GOLGA3: variants seen among roughly 807,000 people sequenced by gnomAD.
GOLGA3 encodes golgin A3, also known as golgin subfamily A member 3.
GOLGA3 carries 75 observed loss-of-function variants against 169.4 expected under a neutral mutation model. The ratio of observed to expected loss-of-function variants is 0.44; its 90% confidence interval spans 0.37 to 0.54. The LOEUF is 0.54. GOLGA3 is among the 20% of genes least tolerant of loss of function. The probability of loss-of-function intolerance (pLI) is 0.00; values close to 1 mark genes in which losing one functional copy is unlikely to be tolerated. For synonymous variants in GOLGA3, 824 were observed against 822.4 expected (o/e 1.00, Z -0.03); for missense variants, 1,899 against 1,930.0 (o/e 0.98, Z 0.30).
chr12:132,808,356 G>T lies in GOLGA3; in HGVS notation c.713C>A (p.Ser238Tyr). 1 of 1,614,088 alleles carries T rather than the reference G, an allele frequency of 6.2e-7. No homozygotes were observed. Among genetic ancestry groups the T allele is most frequent in the Non-Finnish European group, 8.5e-7 (1 of 1,180,006 alleles). ...CAGAGACCGGATTTTGCTTGATTTGGAAGTTTTTTTCTCCCTAGGATGTGC... is the reference window on the plus strand; with the variant it reads ...CAGAGACCGGATTTTGCTTGATTTGTAAGTTTTTTTCTCCCTAGGATGTGC... ...LPAHPREKKTSKSSKIRSLAD... is the reference protein window; with the variant it reads ...LPAHPREKKTYKSSKIRSLAD... Residue 238 changes from serine to tyrosine, a missense_variant, in exon 5 of 24, where the codon TCC becomes TAC. Physicochemically the swap from Ser to Tyr is moderately radical, Grantham distance 144 (BLOSUM62 -2). Coordinates refer to ENST00000450791, the MANE Select transcript of GOLGA3 (RefSeq NM_001389683.1).
At chr12:132,791,338 G>T in intron 11 of GOLGA3, 45 bp from the exon 12 acceptor site, 1 of 1,103,500 alleles carries the variant, frequency 9.1e-7, no homozygotes. Context: ...GGCTCCAGGA[G>T]GGGAATCTGT....
At chr12:132,809,210 T>C (rs1238086813) in intron 4 of GOLGA3, among the ~76,000 whole-genome samples, 2 of 151,922 alleles carry the variant, frequency 1.3e-5, no homozygotes, top group African/African-American at 4.8e-5. Context: ...TATTAGTACT[T>C]TCACTAATTT....
At chr12:132,800,523 A>C (rs1444912517) in intron 8 of GOLGA3, among the ~76,000 whole-genome samples, 1 of 152,190 alleles carries the variant, frequency 6.6e-6, no homozygotes, top group Non-Finnish European at 1.5e-5. Flanking sequence ...CGAAAATTGA[A>C]GAAAAGTTCT....
chr12:132,791,445 A>C (rs974203178), intron 11 of GOLGA3, 152 bp from the exon 12 acceptor site: 4 of 579,550 alleles, frequency 6.9e-6, no homozygotes, highest in Non-Finnish European at 1.2e-5. Flanking sequence ...CAGATGTTAC[A>C]CTGAGGGCTC....
At chr12:132,779,981 C>T (rs188470561) in intron 18 of GOLGA3, among the ~76,000 whole-genome samples, 7 of 130,308 alleles carry the variant, frequency 5.4e-5, no homozygotes, top group East Asian at 4.9e-4. Flanking sequence ...ACGCACAGCC[C>T]GCGTGCACAC....
chr12:132,826,313 C>G, intron 1 of GOLGA3: 2 of 708,794 alleles, frequency 2.8e-6, no homozygotes, highest in Non-Finnish European at 4.6e-6. Flanking sequence ...ACCACCTGAA[C>G]AGAAGGAAGG....
chr12:132,796,126 G>A lies in GOLGA3; in HGVS notation c.2195C>T (p.Ala732Val). Reference protein sequence around the residue: ...LMKQLTLTQEALQSREQSLDA... With the variant: ...LMKQLTLTQEVLQSREQSLDA... ...GAGGGACTGCTCCCTGCTCTGCAGA[G>A]CCTCCTGAGTCAAGGTGAGCTGTTT... The change falls in exon 11 of 24, where the codon GCT becomes GTT. Residue 732 changes from alanine (A) to valine (V), a missense_variant. Coordinates refer to ENST00000450791, the MANE Select transcript of GOLGA3 (RefSeq NM_001389683.1). 1 of 1,612,092 alleles carries A rather than the reference G, an allele frequency of 6.2e-7. No individual in the cohort carries two copies. The highest frequency in any genetic ancestry group is 8.5e-7 in the Non-Finnish European group (1 of 1,179,136).
intron 11 of GOLGA3, among the ~76,000 whole-genome samples, chr12:132,791,555 G>A (rs1354187495): frequency 6.6e-6 from 1 of 151,550 alleles, no homozygotes; most frequent in Non-Finnish European, 1.5e-5. Flanking sequence ...GGCCACATCT[G>A]CAGCGATGTT....
At chr12:132,816,915 G>A (rs954835183) in intron 2 of GOLGA3, 103 bp from the exon 3 acceptor site, 4 of 1,045,166 alleles carry the variant, frequency 3.8e-6, no homozygotes, top group South Asian at 3.3e-5. Flanking sequence ...CCAGACTCAT[G>A]AGCACGGCAC....
chr12:132,775,201 C>G lies in GOLGA3; in HGVS notation c.4083G>C (p.Lys1361Asn), dbSNP rs924758936. 1.2e-6 allele frequency: 2 copies of G among 1,614,204 alleles called. No homozygotes were observed. Among genetic ancestry groups the G allele is most frequent in the South Asian group, 1.1e-5 (1 of 91,092 alleles). ...GCTGCTGGTTCTGCTGGAGCAGGGT[C>G]TTCATGTTGTTCTTCAGCTCCGACA... is the stretch of plus-strand genomic sequence containing the variant. ...AKVSELKNNM[K>N]TLLQQNQQLK... Residue 1361 changes from lysine (K) to asparagine (N), a missense_variant, in exon 22 of 24, where the codon AAG (lysine) becomes AAC (asparagine). By Grantham distance (94) the Lys-to-Asn change is moderately conservative. Transcript: ENST00000450791.
intron 8 of GOLGA3, among the ~76,000 whole-genome samples, chr12:132,800,592 C>T (rs889302258): frequency 6.6e-6 from 1 of 152,148 alleles, no homozygotes; most frequent in Non-Finnish European, 1.5e-5. Flanking sequence ...TAGTATTTCA[C>T]GTTCCCCTCT....
At chr12:132,774,500 C>T in intron 22 of GOLGA3, 180 bp from the exon 23 acceptor site, 1 of 636,302 alleles carries the variant, frequency 1.6e-6, no homozygotes, top group Non-Finnish European at 2.7e-6. Flanking sequence ...GAATAGCTGG[C>T]TGAGGAAACA....
chr12:132,789,239 T>C lies in GOLGA3; in HGVS notation c.2599A>G (p.Ser867Gly), dbSNP rs755747878. The C allele has an allele frequency of 5.0e-6, 8 of 1,608,450 alleles. No individual in the cohort carries two copies. Among genetic ancestry groups the C allele is most frequent in the Non-Finnish European group, 5.9e-6 (7 of 1,179,786 alleles). ...RDATSKDQLI[S>G]ELKATRKRLD... ...CTCTTCCTGGTGGCTTTCAGCTCACTGATGAGCTGGTCTTTGGAGGTGGCG... is the reference window on the plus strand; with the variant it reads ...CTCTTCCTGGTGGCTTTCAGCTCACCGATGAGCTGGTCTTTGGAGGTGGCG... Residue 867 changes from serine (S) to glycine (G), a missense_variant, in exon 13 of 24, where the codon AGT becomes GGT. By Grantham distance (56) the Ser-to-Gly change is moderately conservative. Transcript: ENST00000450791.
At position 132,804,402 on chromosome 12, in the gene GOLGA3, C is replaced by T. The variant is rs574890290; in HGVS notation, c.1597+314G>A. The stretch of plus-strand genomic sequence containing the variant: ...CACAATTCCACAAGTTCAACTAAAA[C>T]TTGTATTTCCTTTAGAAAAGCAGCC... On this transcript the variant is annotated intron_variant, in intron 7 of 23. Coordinates refer to ENST00000450791, the MANE Select transcript of GOLGA3 (RefSeq NM_001389683.1). The surrounding 1 kb of genome is among the most constrained non-coding windows in gnomAD (Gnocchi z 4.1). Among the ~76,000 whole-genome samples, 136 of 152,360 alleles carry T rather than the reference C, an allele frequency of 8.9e-4. No individual in the cohort carries two copies. The highest frequency in any genetic ancestry group is 3.2e-3 in the African/African-American group (135 of 41,584).
intron 1 of GOLGA3, among the ~76,000 whole-genome samples, chr12:132,823,833 A>G (rs146083211): frequency 0.029 from 4,314 of 150,984 alleles, 83 homozygotes; most frequent in Non-Finnish European, 0.046. Context: ...CTGTAATCCC[A>G]TAACTTTGGG....
At chr12:132,800,080 C>G (rs1397761892) in intron 8 of GOLGA3, among the ~76,000 whole-genome samples, 1 of 152,172 alleles carries the variant, frequency 6.6e-6, no homozygotes, top group African/African-American at 2.4e-5. Context: ...TGGCCTACGT[C>G]TTTAAATACC....
chr12:132,825,601 TCTAAA>T, intron 1 of GOLGA3: 1 of 646,426 alleles, frequency 1.5e-6, no homozygotes, highest in Non-Finnish European at 2.8e-6. Flanking sequence ...TACAGCAAAG[TCTAAA>T]CTAGTCCAGC....
chr12:132,825,968 C>T (rs61952775), intron 1 of GOLGA3: 134 of 989,416 alleles, frequency 1.4e-4, no homozygotes, highest in Admixed American at 2.9e-4. Context: ...TGTCATCCGC[C>T]GAGACTACCT....
intron 17 of GOLGA3, among the ~76,000 whole-genome samples, chr12:132,781,297 C>T (rs2045594124): frequency 6.6e-6 from 1 of 152,102 alleles, no homozygotes; most frequent in South Asian, 2.1e-4. Flanking sequence ...CGCGGTGGCT[C>T]ACACCTGTAA....
Sources: allele counts gnomAD v4.1 joint callset (sites outside exome capture counted in the v4.1 genomes callset), GRCh38; gene constraint gnomAD v4.1.1; non-coding constraint Gnocchi (gnomAD v3.1); transcripts MANE v1.5; gene names NCBI Gene and HGNC (gene_info 2026-07-23, HGNC 2026-07-21).